Variants in GSG1L observed in about 807,000 individuals in gnomAD.
GSG1L encodes the protein germ cell-specific gene 1-like protein.
Under a neutral mutation model 42.1 loss-of-function variants are expected in GSG1L, and 24 were observed. The observed-to-expected ratio is 0.57, with a 90% confidence interval of 0.41 to 0.80. GSG1L has a LOEUF of 0.80. GSG1L is among the 30% of genes least tolerant of loss of function. GSG1L has a pLI of 0.00. For missense variants in GSG1L, 445 were observed against 472.2 expected (o/e 0.94, Z 0.53); for synonymous variants, 215 against 203.5 (o/e 1.06, Z -0.48).
chr16:27,995,760 C>T (rs990145412), intron 1 of GSG1L, among the ~76,000 whole-genome samples: 1 of 152,032 alleles, frequency 6.6e-6, no homozygotes, highest in Admixed American at 6.6e-5. Flanking sequence ...AATTCTCCCA[C>T]CTCAGCCTCC....
intron 1 of GSG1L, among the ~76,000 whole-genome samples, chr16:28,062,853 C>T (rs1247174238): frequency 6.6e-6 from 1 of 152,178 alleles, no homozygotes; most frequent in African/African-American, 2.4e-5. Context: ...CTCTGCCTTG[C>T]ACCTCTCCAC....
chr16:28,052,204 C>A (rs2086228718), intron 1 of GSG1L, among the ~76,000 whole-genome samples: 1 of 151,890 alleles, frequency 6.6e-6, no homozygotes, highest in African/African-American at 2.4e-5. Context: ...AAGAGAGGGG[C>A]AGGAGTGGGG....
At chr16:27,991,722 A>C (rs1469563410) in intron 1 of GSG1L, among the ~76,000 whole-genome samples, 2 of 152,114 alleles carry the variant, frequency 1.3e-5, no homozygotes, top group Non-Finnish European at 2.9e-5. Context: ...CTACTATTCA[A>C]ATTATTAATG....
intron 2 of GSG1L, among the ~76,000 whole-genome samples, chr16:27,930,994 C>T (rs2084651240): frequency 6.6e-6 from 1 of 152,156 alleles, no homozygotes; most frequent in Non-Finnish European, 1.5e-5. Context: ...TCAAGTGATT[C>T]TTCCGCCTCG....
Position 27,828,777 on chromosome 16 carries a change from C to T in GSG1L, c.830+12G>A. 2 of 1,612,912 alleles carry T rather than the reference C, an allele frequency of 1.2e-6. No individual in the cohort carries two copies. Among genetic ancestry groups the T allele is most frequent in the Non-Finnish European group, 1.7e-6 (2 of 1,179,094 alleles). ...CCCCGTGGTGGCCAGAGGTAACCCC[C>T]TGTGCACTGACCTCTCCCGGAAGTA... On this transcript the variant is annotated intron_variant, in intron 5 of 6. Coordinates refer to ENST00000447459, the MANE Select transcript of GSG1L (RefSeq NM_001109763.2).
intron 1 of GSG1L, among the ~76,000 whole-genome samples, chr16:28,048,055 C>CACA (rs779573315): frequency 1.3e-5 from 1 of 77,658 alleles, no homozygotes; most frequent in Admixed American, 1.5e-4. Context: ...CTCATCTTTA[C>CACA]AAAAAAAAAA....
At chr16:27,992,026 G>C (rs777162201) in intron 1 of GSG1L, among the ~76,000 whole-genome samples, 2 of 152,224 alleles carry the variant, frequency 1.3e-5, no homozygotes, top group Non-Finnish European at 2.9e-5. Flanking sequence ...CCATCTGGAA[G>C]TGAAACCTCC....
chr16:27,846,050 G>C (rs772961), intron 3 of GSG1L, among the ~76,000 whole-genome samples: 43,672 of 151,706 alleles, frequency 0.29, 6,545 homozygotes, highest in East Asian at 0.45. Context: ...CTACAAGCAC[G>C]CACCACCACA....
intron 1 of GSG1L, among the ~76,000 whole-genome samples, chr16:28,004,429 C>T (rs1387599581): frequency 2.7e-5 from 4 of 149,442 alleles, no homozygotes; most frequent in African/African-American, 5.0e-5. Flanking sequence ...GACGGAAATC[C>T]AGAGAGCCAG....
intron 1 of GSG1L, among the ~76,000 whole-genome samples, chr16:28,062,071 A>G (rs116934753): frequency 6.6e-6 from 1 of 152,312 alleles, no homozygotes; most frequent in East Asian, 1.9e-4. Flanking sequence ...CTAGGCATGC[A>G]GGGAGGAGTT....
intron 2 of GSG1L, among the ~76,000 whole-genome samples, chr16:27,888,317 C>T (rs917453562): frequency 6.6e-6 from 1 of 152,196 alleles, no homozygotes; most frequent in African/African-American, 2.4e-5. Context: ...GGGGATGCTC[C>T]GGAAGTAACT....
chr16:27,945,679 G>A (rs1208759434), intron 2 of GSG1L, among the ~76,000 whole-genome samples: 1 of 152,232 alleles, frequency 6.6e-6, no homozygotes, highest in Non-Finnish European at 1.5e-5. Context: ...GGGAGAGGGG[G>A]CTCCAGCCCT....
chr16:27,875,553 T>G (rs555841718), intron 3 of GSG1L, among the ~76,000 whole-genome samples: 3 of 152,162 alleles, frequency 2.0e-5, no homozygotes, highest in Admixed American at 2.0e-4. Flanking sequence ...CTCTGATAAT[T>G]TGACAGTTTG....
chr16:27,856,163 C>G lies in GSG1L; in HGVS notation c.551-11102G>C, dbSNP rs148673698. ...CCAGATGCCAGGAATGTGCACCCCC[C>G]CCCATCCCCACATACCCCAGTCATA... On this transcript the variant is annotated intron_variant, in intron 3 of 6. Transcript: ENST00000447459. 3.5e-3 allele frequency among the ~76,000 whole-genome samples: 530 copies of G among 152,188 alleles called. 1 individual carries two copies. Among genetic ancestry groups the G allele is most frequent in the African/African-American group, 0.012 (505 of 41,512 alleles).
intron 2 of GSG1L, among the ~76,000 whole-genome samples, chr16:27,904,442 C>T (rs2141045427): frequency 6.6e-6 from 1 of 152,190 alleles, no homozygotes; most frequent in East Asian, 1.9e-4. Flanking sequence ...TGCCGATGCC[C>T]CTCCCCAATA....
At chr16:28,008,240 C>T (rs185529115) in intron 1 of GSG1L, among the ~76,000 whole-genome samples, 374 of 152,228 alleles carry the variant, frequency 2.5e-3, no homozygotes, top group South Asian at 9.8e-3. Flanking sequence ...CCACCACACA[C>T]GGCTAATTTT....
intron 3 of GSG1L, among the ~76,000 whole-genome samples, chr16:27,879,861 G>T (rs576837260): frequency 6.7e-6 from 1 of 148,898 alleles, no homozygotes. Flanking sequence ...TTTTTTAATT[G>T]CTTTTTTTTT....
intron 1 of GSG1L, 94 bp from the exon 2 acceptor site, chr16:27,963,297 A>C (rs1044584542): frequency 9.4e-7 from 1 of 1,059,382 alleles, no homozygotes; most frequent in African/African-American, 1.6e-5. Context: ...GGAGCAAGCC[A>C]GTGTCTCTGA....
At chr16:27,854,059 C>T (rs1659541988) in intron 3 of GSG1L, among the ~76,000 whole-genome samples, 1 of 151,932 alleles carries the variant, frequency 6.6e-6, no homozygotes, top group South Asian at 2.1e-4. Flanking sequence ...AAGCCTACAT[C>T]CAGGTGTTCC....
Sources: gnomAD v4.1 joint callset for allele counts (sites outside exome capture counted in the v4.1 genomes callset) on GRCh38, gnomAD v4.1.1 for gene constraint, MANE v1.5 for transcripts, NCBI Gene and HGNC (gene_info 2026-07-23, HGNC 2026-07-21) for gene names.